OR51D1: variants seen among roughly 807,000 people sequenced by gnomAD.
OR51D1 encodes the protein olfactory receptor 51D1.
For synonymous variants in OR51D1, 187 were observed against 161.1 expected, an observed-to-expected ratio of 1.16 and a Z score of -1.22; for missense variants, 452 against 396.2, an observed-to-expected ratio of 1.14 and a Z score of -1.20.
In OR51D1 at chr11:4,640,569, C is replaced by G; in HGVS notation, c.779C>G (p.Ala260Gly). 6.2e-7 allele frequency: 1 copy of G among 1,613,748 alleles called. No homozygotes were observed. ...AFNTCISHLCAVLVFYVPLIG... is the reference protein window; with the variant it reads ...AFNTCISHLCGVLVFYVPLIG... The stretch of plus-strand genomic sequence containing the variant: ...AACACCTGCATCTCCCACCTCTGTG[C>G]TGTTCTGGTCTTCTATGTACCCCTC... The change falls in exon 2 of 2, where the codon GCT (alanine) becomes GGT (glycine). Residue 260 changes from alanine to glycine, a missense_variant. Physicochemically the swap from Ala to Gly is moderately conservative, Grantham distance 60 (BLOSUM62 0). Transcript: ENST00000641817.
At position 4,642,245 on chromosome 11, in the gene OR51D1, C is replaced by T; in HGVS notation, c.*1480C>T. The T allele has an allele frequency of 6.6e-6, 1 of 152,294 alleles. No homozygotes were observed. Among genetic ancestry groups the T allele is most frequent in the East Asian group, 1.9e-4 (1 of 5,182 alleles). 9.4% of individuals were successfully genotyped at this position (152,294 alleles called of 1,614,324 possible). A position where few individuals can be genotyped will look rare whatever the true frequency, so the allele number is the denominator to read the frequency against. On this transcript the variant is annotated 3_prime_UTR_variant, in exon 2 of 2. Transcript: ENST00000641817. ...TTTCAAGGGCTTTTGTTACCTCTTC[C>T]TACGTTTCCTGCCTCTGCTATCCGA... is the stretch of plus-strand genomic sequence containing the variant.
intron 1 of OR51D1, 101 bp downstream of exon 1, chr11:4,637,854 TGAA>T (rs1458857941): frequency 6.5e-6 from 1 of 153,120 alleles, no homozygotes; most frequent in African/African-American, 2.4e-5. Context: ...TGATTGGTGA[TGAA>T]GAAGGAAACT....
chr11:4,638,515 C>A (rs1022582025), intron 1 of OR51D1, among the ~76,000 whole-genome samples: 1 of 152,142 alleles, frequency 6.6e-6, no homozygotes, highest in African/African-American at 2.4e-5. Context: ...ACAGCAGCAG[C>A]ACTGGCTGAT....
rs1489202572 is a variant in OR51D1, at chr11:4,640,340, A to G, written c.550A>G (p.Thr184Ala). Residue 184 changes from threonine to alanine, a missense_variant, in exon 2 of 2, where the codon ACA becomes GCA. Coordinates refer to ENST00000641817, the MANE Select transcript of OR51D1 (RefSeq NM_001004751.3). ...CCTCAAGTGGTTGTCCTACTGCCAA[A>G]CACATACTGTCACACACTCCTTCTG... The part of the protein sequence containing the change: ...FILKWLSYCQ[T>A]HTVTHSFCLH... 6.2e-6 allele frequency: 10 copies of G among 1,614,100 alleles called. No homozygotes were observed. Among genetic ancestry groups the G allele is most frequent in the Non-Finnish European group, 8.5e-6 (10 of 1,179,986 alleles).
At position 4,640,955 on chromosome 11, in the gene OR51D1, A is replaced by G; in HGVS notation, c.*190A>G. 1.8e-6 allele frequency: 1 copy of G among 570,728 alleles called. No individual in the cohort carries two copies. Among genetic ancestry groups the G allele is most frequent in the Non-Finnish European group, 3.1e-6 (1 of 323,064 alleles). 35.4% of individuals were successfully genotyped at this position (570,728 alleles called of 1,614,324 possible). On this transcript the variant is annotated 3_prime_UTR_variant, in exon 2 of 2. Transcript: ENST00000641817. ...TGACCCTGTCTGGACATCCTGGAGA[A>G]TGACTGCACTAGTCCCTCTGCTATG...
At position 4,640,304 on chromosome 11, in the gene OR51D1, C is replaced by T; in HGVS notation, c.514C>T (p.Leu172=). 2 of 1,614,202 alleles carry T rather than the reference C, an allele frequency of 1.2e-6. No individual in the cohort carries two copies. The highest frequency in any genetic ancestry group is 2.2e-5 in the East Asian group (1 of 44,884). The change falls in exon 2 of 2, where the codon CTG becomes TTG. Residue 172 remains leucine (L), a synonymous_variant. Transcript: ENST00000641817. The stretch of plus-strand genomic sequence containing the variant: ...CAGGGGGTTTGTATTCTTCTTCCCA[C>T]TGCCCTTCATCCTCAAGTGGTTGTC... ...LTRGFVFFFP[L]PFILKWLSYC... is the part of the protein sequence containing the mutation.
intron 1 of OR51D1, among the ~76,000 whole-genome samples, chr11:4,638,401 A>T (rs1478873953): frequency 6.6e-6 from 1 of 152,192 alleles, no homozygotes; most frequent in African/African-American, 2.4e-5. Context: ...GGCTTAGAAC[A>T]GTGTGGTCTG....
chr11:4,639,682 C>T, intron 1 of OR51D1, 95 bp from the exon 2 acceptor site: 7 of 1,153,586 alleles, frequency 6.1e-6, no homozygotes, highest in Non-Finnish European at 8.7e-6. Flanking sequence ...CTGTTTGTTA[C>T]TGTCACCACT....
rs1846966861 is a variant in OR51D1 at position 4,641,439 on chromosome 11, G to A, written c.*674G>A. Reference sequence around the variant, plus strand: ...CAGTGTGCGTATATGTGAGAGAGAGGGTGCACACATGGAATACGTACTGGT... The same window carrying A: ...CAGTGTGCGTATATGTGAGAGAGAGAGTGCACACATGGAATACGTACTGGT... On this transcript the variant is annotated 3_prime_UTR_variant, in exon 2 of 2. Transcript: ENST00000641817. 6.5e-6 allele frequency: 1 copy of A among 152,846 alleles called. No homozygotes were observed. The highest frequency in any genetic ancestry group is 1.5e-5 in the Non-Finnish European group (1 of 68,244). The allele number at this position is 152,846 out of a possible 1,614,324, so 9.5% of individuals were successfully genotyped here.
Position 4,640,146 on chromosome 11 carries a change from C to T in OR51D1, c.356C>T (p.Ala119Val). ...CTGGCCCAGATGTTCCTTATCCATG[C>T]TCTGTCAGCCGTGGAGTCAGCTGTC... ...ICLAQMFLIHALSAVESAVLL... is the reference protein window; with the variant it reads ...ICLAQMFLIHVLSAVESAVLL... Residue 119 changes from alanine (A) to valine (V), a missense_variant, in exon 2 of 2, where the codon GCT (alanine) becomes GTT (valine). Transcript: ENST00000641817. The T allele has an allele frequency of 6.2e-7, 1 of 1,614,250 alleles. No individual in the cohort carries two copies. The highest frequency in any genetic ancestry group is 8.5e-7 in the Non-Finnish European group (1 of 1,180,052).
rs564499655 is a variant in OR51D1 at position 4,641,565 on chromosome 11, T to C, written c.*800T>C. 6 of 152,642 alleles carry C rather than the reference T, an allele frequency of 3.9e-5. No homozygotes were observed. Among genetic ancestry groups the C allele is most frequent in the African/African-American group, 1.4e-4 (6 of 41,572 alleles). 9.5% of individuals were successfully genotyped at this position (152,642 alleles called of 1,614,324 possible). A position where few individuals can be genotyped will look rare whatever the true frequency, so the allele number is the denominator to read the frequency against. On this transcript the variant is annotated 3_prime_UTR_variant, in exon 2 of 2. Coordinates refer to ENST00000641817, the MANE Select transcript of OR51D1 (RefSeq NM_001004751.3). The stretch of plus-strand genomic sequence containing the variant: ...TATTTCTGTGGTATCTGTTAGTTGG[T>C]ATATGATATGTGTCTACGTGAGAAT...
chr11:4,641,279 G>A lies in OR51D1; in HGVS notation c.*514G>A, dbSNP rs146278880. 4.1e-3 allele frequency: 648 copies of A among 158,424 alleles called. 2 individuals are homozygous for A. The highest frequency in any genetic ancestry group is 6.3e-3 in the Non-Finnish European group (454 of 71,596). 9.8% of individuals were successfully genotyped at this position (158,424 alleles called of 1,614,324 possible). A position where few individuals can be genotyped will look rare whatever the true frequency, so the allele number is the denominator to read the frequency against. ...AATGTTGAAGTTTCTGTATGCAAGAGGGTGTGTTGGCAGATTTGTGAAATC... is the reference window on the plus strand; with the variant it reads ...AATGTTGAAGTTTCTGTATGCAAGAAGGTGTGTTGGCAGATTTGTGAAATC... On this transcript the variant is annotated 3_prime_UTR_variant, in exon 2 of 2. Coordinates refer to ENST00000641817, the MANE Select transcript of OR51D1 (RefSeq NM_001004751.3).
In OR51D1 at chr11:4,640,240, A is replaced by G. The variant is rs752525827; in HGVS notation, c.450A>G (p.Thr150=). The change falls in exon 2 of 2, where the codon ACA becomes ACG. Residue 150 remains threonine (T), a synonymous_variant. Coordinates refer to ENST00000641817, the MANE Select transcript of OR51D1 (RefSeq NM_001004751.3). The stretch of plus-strand genomic sequence containing the variant: ...CATTGCGCCATGCTTCTGTGCTGAC[A>G]GGGTGTACTGTGGCCAAGATTGGAC... ...CHPLRHASVL[T]GCTVAKIGLS... 1 of 1,614,210 alleles carries G rather than the reference A, an allele frequency of 6.2e-7. No individual in the cohort carries two copies. Among genetic ancestry groups the G allele is most frequent in the East Asian group, 2.2e-5 (1 of 44,884 alleles).
In OR51D1 at chr11:4,640,781, C is replaced by A. The variant is rs756657422; in HGVS notation, c.*16C>A. On this transcript the variant is annotated 3_prime_UTR_variant, in exon 2 of 2. Transcript: ENST00000641817. Reference sequence around the variant, plus strand: ...TGGCAAGTGAGACACCTTAGTGTCTCGCTTCTACTACTACTACAGAAGATG... The same window carrying A: ...TGGCAAGTGAGACACCTTAGTGTCTAGCTTCTACTACTACTACAGAAGATG... 7.5e-6 allele frequency: 12 copies of A among 1,590,856 alleles called. No homozygotes were observed. The highest frequency in any genetic ancestry group is 1.7e-4 in the Middle Eastern group (1 of 5,964).
Position 4,642,158 on chromosome 11 carries a change from G to A in OR51D1, c.*1393G>A, listed in dbSNP as rs1203720771. 1 of 152,192 alleles carries A rather than the reference G, an allele frequency of 6.6e-6. No individual in the cohort carries two copies. Among genetic ancestry groups the A allele is most frequent in the Non-Finnish European group, 1.5e-5 (1 of 68,034 alleles). The allele number at this position is 152,192 out of a possible 1,614,324, so 9.4% of individuals were successfully genotyped here. A position where few individuals can be genotyped will look rare whatever the true frequency, so the allele number is the denominator to read the frequency against. ...GTCTGTCAGAATGAAAGGAAACACG[G>A]TGCTTCCTTGCTCCACCTTTTCACA... On this transcript the variant is annotated 3_prime_UTR_variant, in exon 2 of 2. Coordinates refer to ENST00000641817, the MANE Select transcript of OR51D1 (RefSeq NM_001004751.3).
Position 4,642,406 on chromosome 11 carries a change from C to G in OR51D1, c.*1641C>G, listed in dbSNP as rs1032363998. The G allele has an allele frequency of 5.3e-5, 8 of 151,890 alleles. No individual in the cohort carries two copies. Among genetic ancestry groups the G allele is most frequent in the African/African-American group, 1.5e-4 (6 of 41,364 alleles). The allele number at this position is 151,890 out of a possible 1,614,324, so 9.4% of individuals were successfully genotyped here. On this transcript the variant is annotated 3_prime_UTR_variant, in exon 2 of 2. Transcript: ENST00000641817. ...TTCCCCATCTCTACTAAAAATACAA[C>G]AATTAGCCGGGTGTGATGGCGCGTG...
chr11:4,640,169 G>T lies in OR51D1; in HGVS notation c.379G>T (p.Val127Phe), dbSNP rs1414524067. 2 of 1,614,222 alleles carry T rather than the reference G, an allele frequency of 1.2e-6. No individual in the cohort carries two copies. The highest frequency in any genetic ancestry group is 1.7e-6 in the Non-Finnish European group (2 of 1,180,050). ...TGCTCTGTCAGCCGTGGAGTCAGCT[G>T]TCCTGCTGGCCATGGCTTTTGACCG... ...IHALSAVESA[V>F]LLAMAFDRFV... The change falls in exon 2 of 2, where the codon GTC becomes TTC. Residue 127 changes from valine to phenylalanine, a missense_variant. Physicochemically the swap from Val to Phe is conservative, Grantham distance 50. Coordinates refer to ENST00000641817, the MANE Select transcript of OR51D1 (RefSeq NM_001004751.3).
At chr11:4,639,413 C>T (rs575043511) in intron 1 of OR51D1, among the ~76,000 whole-genome samples, 20 of 152,310 alleles carry the variant, frequency 1.3e-4, no homozygotes, top group Middle Eastern at 3.4e-3. Context: ...CTGAGCAATC[C>T]TGCAAGTCTA....
At chr11:4,638,341 G>A (rs1846922239) in intron 1 of OR51D1, among the ~76,000 whole-genome samples, 1 of 152,132 alleles carries the variant, frequency 6.6e-6, no homozygotes, top group Non-Finnish European at 1.5e-5. Context: ...GGCTATCCAG[G>A]TAGAACTATC....
Sources: gnomAD v4.1 joint callset for allele counts (sites outside exome capture counted in the v4.1 genomes callset) on GRCh38, gnomAD v4.1.1 for gene constraint, MANE v1.5 for transcripts, NCBI Gene and HGNC (gene_info 2026-07-23, HGNC 2026-07-21) for gene names.